Variants in PTDSS1 observed in about 807,000 individuals in gnomAD.
The protein encoded by PTDSS1 is PSS-1.
In PTDSS1, 45 loss-of-function variants were observed where a neutral mutation model predicts 70.5. The ratio of observed to expected loss-of-function variants is 0.64; its 90% confidence interval spans 0.50 to 0.82. The LOEUF (loss-of-function observed/expected upper bound fraction) is 0.82, where lower values mean the gene tolerates loss of function less well. PTDSS1 is among the 40% of genes least tolerant of loss of function. PTDSS1 has a pLI of 0.00. For synonymous variants in PTDSS1, 188 were observed against 203.8 expected, an observed-to-expected ratio of 0.92 and a Z score of 0.66; for missense variants, 417 against 586.1, an observed-to-expected ratio of 0.71 and a Z score of 2.98.
At chr8:96,270,188 G>A (rs1208714249) in intron 1 of PTDSS1, among the ~76,000 whole-genome samples, 2 of 152,136 alleles carry the variant, frequency 1.3e-5, no homozygotes, top group Non-Finnish European at 2.9e-5. Context: ...GTAAAATGCA[G>A]ATTATGATCA....
chr8:96,269,196 A>G (rs1290258587), intron 1 of PTDSS1, among the ~76,000 whole-genome samples: 1 of 152,226 alleles, frequency 6.6e-6, no homozygotes, highest in Admixed American at 6.5e-5. Context: ...CTTGACCTAC[A>G]GCCAGCATTC....
intron 10 of PTDSS1, among the ~76,000 whole-genome samples, chr8:96,328,718 T>A (rs1326558952): frequency 6.6e-6 from 1 of 152,164 alleles, no homozygotes; most frequent in Non-Finnish European, 1.5e-5. Flanking sequence ...ATCCAGCAGC[T>A]GCCAGGAAAT....
intron 8 of PTDSS1, among the ~76,000 whole-genome samples, chr8:96,307,449 CAAAAAAAA>C (rs56284473): frequency 3.9e-5 from 2 of 50,654 alleles, no homozygotes; most frequent in Non-Finnish European, 6.8e-5. Flanking sequence ...TCAATATTAC[CAAAAAAAA>C]AAAAAAAAAA....
chr8:96,317,631 A>G (rs533546521), intron 9 of PTDSS1, among the ~76,000 whole-genome samples: 1 of 152,208 alleles, frequency 6.6e-6, no homozygotes, highest in South Asian at 2.1e-4. Context: ...GCTACTCGGG[A>G]GGCTGAGGTA....
chr8:96,331,526 C>G (rs2130188527), intron 12 of PTDSS1, among the ~76,000 whole-genome samples: 1 of 151,454 alleles, frequency 6.6e-6, no homozygotes, highest in East Asian at 1.9e-4. Flanking sequence ...AAGACTCTGT[C>G]TCAAAACCAC....
In PTDSS1 at chr8:96,320,451, T is replaced by C. The variant is rs937098022; in HGVS notation, c.1173+106T>C. 1.8e-5 allele frequency: 18 copies of C among 991,682 alleles called. No individual in the cohort carries two copies. The African/African-American group carries it at 2.8e-4, about 15-fold the overall frequency. The allele number at this position is 991,682 out of a possible 1,614,324, so 61.4% of individuals were successfully genotyped here. A position where few individuals can be genotyped will look rare whatever the true frequency, so the allele number is the denominator to read the frequency against. On this transcript the variant is annotated intron_variant, in intron 10 of 12. Transcript: ENST00000517309. ...CTTGTGTATCAAAGTTCCTTAGAAA[T>C]TCATAAAAAGATGTTCTACTTGTAA...
At chr8:96,314,275 G>A (rs568711805) in intron 9 of PTDSS1, among the ~76,000 whole-genome samples, 21 of 152,088 alleles carry the variant, frequency 1.4e-4, no homozygotes, top group East Asian at 5.8e-4. Flanking sequence ...TTGAACTCCT[G>A]GACTCAAGCA....
chr8:96,283,623 A>T (rs902300207), intron 2 of PTDSS1: 7 of 153,284 alleles, frequency 4.6e-5, no homozygotes, highest in African/African-American at 1.4e-4. Context: ...TCTCACACAC[A>T]CACACACACA....
At chr8:96,330,488 T>C in intron 11 of PTDSS1, 1 of 552,530 alleles carries the variant, frequency 1.8e-6, no homozygotes, top group Admixed American at 3.1e-5. Flanking sequence ...AGTAGACCAA[T>C]ATTTTTGTCT....
Position 96,262,052 on chromosome 8 carries a change from C to T in PTDSS1, c.12C>T (p.Cys4=), listed in dbSNP as rs1299412355. The T allele has an allele frequency of 2.5e-6, 4 of 1,612,456 alleles. No homozygotes were observed. Among genetic ancestry groups the T allele is most frequent in the Non-Finnish European group, 3.4e-6 (4 of 1,179,228 alleles). The change falls in exon 1 of 13, where the codon TGC becomes TGT. Residue 4 remains cysteine (C), a synonymous_variant. Coordinates refer to ENST00000517309, the MANE Select transcript of PTDSS1 (RefSeq NM_014754.3). This position sits in a 1 kb window ranked among gnomAD's most constrained non-coding sequence, Gnocchi z 4.4. ...CGGGGAGGCGGGCCATGGCGTCCTG[C>T]GTGGGGAGCCGGACCCTAAGCAAGG... MAS[C]VGSRTLSKDD...
intron 8 of PTDSS1, among the ~76,000 whole-genome samples, chr8:96,307,261 G>T (rs2057169193): frequency 6.6e-6 from 1 of 151,968 alleles, no homozygotes; most frequent in East Asian, 1.9e-4. Context: ...TCTGCCAAAG[G>T]TACAAATATA....
Position 96,336,262 on chromosome 8 carries a change from A to G in PTDSS1, c.*2696A>G, listed in dbSNP as rs995133572. 3 of 152,030 alleles carry G rather than the reference A, an allele frequency of 2.0e-5. No individual in the cohort carries two copies. The highest frequency in any genetic ancestry group is 4.4e-5 in the Non-Finnish European group (3 of 68,062). 9.4% of individuals were successfully genotyped at this position (152,030 alleles called of 1,614,324 possible). On this transcript the variant is annotated 3_prime_UTR_variant, in exon 13 of 13. Transcript: ENST00000517309. The stretch of plus-strand genomic sequence containing the variant: ...AACCCAGGAGAAAACAAAATTCATT[A>G]CCAAATACAACAGGTTCAGCCTTCT...
rs145538833 is a variant in PTDSS1 at position 96,262,716 on chromosome 8, GGT to G, written c.179+498_179+499del. Among the ~76,000 whole-genome samples the G allele has an allele frequency of 9.6e-3, 1,454 of 152,246 alleles. 27 individuals carry two copies. Among genetic ancestry groups the G allele is most frequent in the African/African-American group, 0.034 (1,395 of 41,532 alleles). On this transcript the variant is annotated intron_variant, in intron 1 of 12. Transcript: ENST00000517309. The surrounding 1 kb of genome is among the most constrained non-coding windows in gnomAD (Gnocchi z 4.4). ...CCTAGATCCCTTCCTGTGGAACTCCGGTATTCGGCACTATCCGTAACGCACAA... is the reference window on the plus strand; with the variant it reads ...CCTAGATCCCTTCCTGTGGAACTCCGATTCGGCACTATCCGTAACGCACAA...
In PTDSS1 at chr8:96,314,915, A is replaced by G. The variant is rs566485814; in HGVS notation, c.1073+5293A>G. Among the ~76,000 whole-genome samples the G allele has an allele frequency of 2.6e-5, 4 of 152,132 alleles. No individual in the cohort carries two copies. In the South Asian group the frequency reaches 8.3e-4, roughly 32 times the overall value. On this transcript the variant is annotated intron_variant, in intron 9 of 12. Coordinates refer to ENST00000517309, the MANE Select transcript of PTDSS1 (RefSeq NM_014754.3). ...CTGGCCTACAAAGCTTTTTTTTAGC[A>G]GCCGATCCCCTTTCTTCAAATGGCA...
chr8:96,264,271 G>A (rs1436871383), intron 1 of PTDSS1, among the ~76,000 whole-genome samples: 1 of 152,090 alleles, frequency 6.6e-6, no homozygotes, highest in Non-Finnish European at 1.5e-5. Flanking sequence ...TAATCTGTCG[G>A]GATTATTTGT....
intron 6 of PTDSS1, 93 bp from the exon 7 acceptor site, chr8:96,303,947 T>C (rs764249475): frequency 1.5e-6 from 2 of 1,329,800 alleles, no homozygotes; most frequent in Non-Finnish European, 2.1e-6. Context: ...GCATTTATTA[T>C]AAAAATCATC....
chr8:96,285,689 A>AG (rs1291102558), intron 3 of PTDSS1, among the ~76,000 whole-genome samples: 1 of 152,162 alleles, frequency 6.6e-6, no homozygotes, highest in African/African-American at 2.4e-5. Context: ...ACCTATAGAT[A>AG]GACCCATTCC....
intron 10 of PTDSS1, among the ~76,000 whole-genome samples, chr8:96,323,801 C>T (rs1481791406): frequency 3.3e-5 from 5 of 152,228 alleles, no homozygotes; most frequent in Non-Finnish European, 7.3e-5. Flanking sequence ...TTAACAGCCA[C>T]GTGGCCCCAC....
intron 6 of PTDSS1, among the ~76,000 whole-genome samples, chr8:96,303,007 C>T (rs1020514223): frequency 1.3e-5 from 2 of 152,154 alleles, no homozygotes; most frequent in Non-Finnish European, 2.9e-5. Context: ...TAATAAACAA[C>T]AACAAAAAAT....
Sources: allele counts gnomAD v4.1 joint callset (sites outside exome capture counted in the v4.1 genomes callset), GRCh38; gene constraint gnomAD v4.1.1; non-coding constraint Gnocchi (gnomAD v3.1); transcripts MANE v1.5; gene names NCBI Gene and HGNC (gene_info 2026-07-23, HGNC 2026-07-21).